PTPRD: variants seen among roughly 807,000 people sequenced by gnomAD.
PTPRD encodes receptor-type tyrosine-protein phosphatase delta.
Under a neutral mutation model 214.5 loss-of-function variants are expected in PTPRD, and 34 were observed. The observed-to-expected ratio is 0.16, with a 90% confidence interval of 0.12 to 0.21. The LOEUF is 0.21. PTPRD is among the 10% of genes least tolerant of loss of function. The probability of loss-of-function intolerance (pLI) is 1.00; values close to 1 mark genes in which losing one functional copy is unlikely to be tolerated. For missense variants in PTPRD, 2,545 were observed against 2,398.7 expected (o/e 1.06, Z -1.27); for synonymous variants, 1,128 against 845.7 (o/e 1.33, Z -5.79).
intron 2 of PTPRD, among the ~76,000 whole-genome samples, chr9:10,589,339 T>C (rs2074798437): frequency 6.6e-6 from 1 of 152,008 alleles, no homozygotes; most frequent in African/African-American, 2.4e-5. Flanking sequence ...AACAAAGTTT[T>C]AGTCACAGGG....
intron 13 of PTPRD, 48 bp downstream of exon 13, chr9:8,636,651 G>A (rs1415359554): frequency 1.9e-6 from 3 of 1,603,160 alleles, no homozygotes; most frequent in Non-Finnish European, 2.6e-6. Context: ...ACCAAAGACA[G>A]AGCAGATACA....
At chr9:8,827,048 A>AAC (rs1218642772) in intron 11 of PTPRD, among the ~76,000 whole-genome samples, 103 of 151,812 alleles carry the variant, frequency 6.8e-4, no homozygotes, top group African/African-American at 2.1e-3. Flanking sequence ...ACACACATAT[A>AAC]ACACACACAC....
intron 5 of PTPRD, among the ~76,000 whole-genome samples, chr9:9,925,148 T>C (rs760078915): frequency 2.6e-5 from 4 of 152,140 alleles, no homozygotes; most frequent in Admixed American, 6.6e-5. Flanking sequence ...AATTAAATTA[T>C]CACAAATCTA....
chr9:8,366,283 T>C (rs2079860835), intron 39 of PTPRD, among the ~76,000 whole-genome samples: 1 of 152,148 alleles, frequency 6.6e-6, no homozygotes. Context: ...GTTCTTTTTT[T>C]AATATACTAG....
At chr9:8,452,018 A>C (rs1050471014) in intron 33 of PTPRD, 2 of 302,270 alleles carry the variant, frequency 6.6e-6, no homozygotes, top group South Asian at 2.9e-5. Context: ...TGGTGCAAGG[A>C]AAGTTAGGAA....
chr9:10,417,630 G>C (rs1228213417), intron 2 of PTPRD, among the ~76,000 whole-genome samples: 1 of 151,562 alleles, frequency 6.6e-6, no homozygotes, highest in Non-Finnish European at 1.5e-5. Context: ...AATAAATATA[G>C]ATTCTGAAGC....
chr9:9,931,920 C>A (rs1329630463), intron 5 of PTPRD, among the ~76,000 whole-genome samples: 1 of 151,644 alleles, frequency 6.6e-6, no homozygotes, highest in African/African-American at 2.4e-5. Context: ...TCCCTGACCC[C>A]TGACCCCCGA....
Position 10,523,622 on chromosome 9 carries a change from T to TATATATATATATATATATATAC in PTPRD, c.-600+88775_-600+88776insGTATATATATATATATATATAT, listed in dbSNP as rs554367559. 2.4e-4 allele frequency among the ~76,000 whole-genome samples: 31 copies of TATATATATATATATATATATAC among 131,384 alleles called. 2 individuals are homozygous for TATATATATATATATATATATAC. Among genetic ancestry groups the TATATATATATATATATATATAC allele is most frequent in the Middle Eastern group, 8.4e-3 (2 of 238 alleles). 86.2% of individuals were successfully genotyped at this position (131,384 alleles called of 152,430 possible). On this transcript the variant is annotated intron_variant, in intron 2 of 45. Coordinates refer to ENST00000381196, the MANE Select transcript of PTPRD (RefSeq NM_002839.4). ...ATCTGTATATATATATATATATATA[T>TATATATATATATATATATATAC]AGACAGAAAGAAAGGGAGAGAGAGA...
At chr9:9,993,368 GT>G (rs557964774) in intron 4 of PTPRD, among the ~76,000 whole-genome samples, 65 of 152,224 alleles carry the variant, frequency 4.3e-4, no homozygotes, top group African/African-American at 1.5e-3. Flanking sequence ...AAGGTCGTAT[GT>G]TTTTTTGTAA....
intron 11 of PTPRD, among the ~76,000 whole-genome samples, chr9:8,973,159 G>T (rs1362057623): frequency 6.6e-6 from 1 of 151,820 alleles, no homozygotes; most frequent in Non-Finnish European, 1.5e-5. Context: ...GAATATATTG[G>T]ACCCAGGGTG....
intron 7 of PTPRD, among the ~76,000 whole-genome samples, chr9:9,728,429 A>C (rs187410351): frequency 3.9e-5 from 6 of 152,322 alleles, no homozygotes; most frequent in African/African-American, 1.4e-4. Context: ...TGTGTGAAGA[A>C]AAGAAGTTTA....
intron 11 of PTPRD, among the ~76,000 whole-genome samples, chr9:8,896,141 A>C (rs2098608560): frequency 6.6e-6 from 1 of 152,208 alleles, no homozygotes; most frequent in African/African-American, 2.4e-5. Flanking sequence ...GATTTCATTT[A>C]AGTGAATAAA....
chr9:8,690,320 C>G (rs7042822), intron 12 of PTPRD, among the ~76,000 whole-genome samples: 45,162 of 151,430 alleles, frequency 0.3, 7,533 homozygotes, highest in African/African-American at 0.43. Context: ...AAGGTCAGGA[C>G]ATGGAGACCA....
chr9:10,454,165 C>T (rs1210141934), intron 2 of PTPRD, among the ~76,000 whole-genome samples: 1 of 151,490 alleles, frequency 6.6e-6, no homozygotes, highest in Non-Finnish European at 1.5e-5. Flanking sequence ...AGTTGATAAA[C>T]AGAATCTGGA....
chr9:10,521,595 G>C (rs2052308469), intron 2 of PTPRD, among the ~76,000 whole-genome samples: 1 of 152,128 alleles, frequency 6.6e-6, no homozygotes, highest in Non-Finnish European at 1.5e-5. Context: ...AATCCTTCGT[G>C]AAAATCTGAG....
intron 5 of PTPRD, among the ~76,000 whole-genome samples, chr9:9,911,436 C>T (rs942383054): frequency 6.8e-6 from 1 of 148,148 alleles, no homozygotes; most frequent in Non-Finnish European, 1.5e-5. Flanking sequence ...CGCAAATACA[C>T]ACGAACCTCA....
Position 8,327,669 on chromosome 9 carries a change from C to T in PTPRD, c.5534+3913G>A, listed in dbSNP as rs528692968. Among the ~76,000 whole-genome samples, 5 of 152,142 alleles carry T rather than the reference C, an allele frequency of 3.3e-5. No homozygotes were observed. In the South Asian group the frequency reaches 1.0e-3, roughly 32 times the overall value. On this transcript the variant is annotated intron_variant, in intron 44 of 45. Transcript: ENST00000381196. ...TCTCCCACTATTATTGTGTGGGAGT[C>T]TAAGTCTCTTTGTAGGTCTCTAAGA...
intron 44 of PTPRD, among the ~76,000 whole-genome samples, chr9:8,326,979 G>A (rs202142834): frequency 3.4e-5 from 5 of 146,826 alleles, no homozygotes; most frequent in African/African-American, 1.2e-4. Flanking sequence ...TTTTCCAAAA[G>A]CCAGCTCCTG....
At chr9:9,990,535 G>T (rs567751493) in intron 4 of PTPRD, among the ~76,000 whole-genome samples, 1 of 152,184 alleles carries the variant, frequency 6.6e-6, no homozygotes, top group African/African-American at 2.4e-5. Context: ...CAAGCAGAGC[G>T]GAAGTAAGCT....
Sources: allele counts gnomAD v4.1 joint callset (sites outside exome capture counted in the v4.1 genomes callset), GRCh38; gene constraint gnomAD v4.1.1; transcripts MANE v1.5; gene names NCBI Gene and HGNC (gene_info 2026-07-23, HGNC 2026-07-21).